The following SUPT3H variants were observed in gnomAD, a reference collection of about 807,000 sequenced individuals.
SUPT3H encodes the protein transcription initiation protein SPT3 homolog.
A neutral mutation model predicts 44.3 loss-of-function variants in SUPT3H; 44 were observed. The ratio of observed to expected loss-of-function variants is 0.99; its 90% CI spans 0.78 to 1.28. SUPT3H has a LOEUF of 1.28. Among genes scored for constraint, SUPT3H ranks in the 50% most tolerant of loss-of-function variants. SUPT3H has a pLI of 0.00. For synonymous variants in SUPT3H, 124 were observed against 125.6 expected (o/e 0.99, Z 0.09); for missense variants, 380 against 387.1 (o/e 0.98, Z 0.15).
At chr6:45,332,644 T>G (rs1787742701) in intron 2 of SUPT3H, among the ~76,000 whole-genome samples, 1 of 151,728 alleles carries the variant, frequency 6.6e-6, no homozygotes, top group Admixed American at 6.6e-5. Context: ...CTAACAAAAA[T>G]CTTTAGACAT....
At chr6:45,039,344 C>G (rs1039221168) in intron 3 of SUPT3H, among the ~76,000 whole-genome samples, 1 of 151,820 alleles carries the variant, frequency 6.6e-6, no homozygotes. Context: ...TGAGGTGGTA[C>G]GTGTGATAGG....
chr6:44,840,360 C>T (rs1026160757), intron 10 of SUPT3H, among the ~76,000 whole-genome samples: 3 of 152,152 alleles, frequency 2.0e-5, no homozygotes, highest in South Asian at 4.1e-4. Flanking sequence ...TCACCACTTT[C>T]GGGACTGCCT....
At chr6:45,314,801 T>C (rs935220162) in intron 2 of SUPT3H, among the ~76,000 whole-genome samples, 17 of 152,176 alleles carry the variant, frequency 1.1e-4, no homozygotes, top group Non-Finnish European at 1.6e-4. Context: ...AAAATTCATA[T>C]GGAACCAAAA....
intron 10 of SUPT3H, among the ~76,000 whole-genome samples, chr6:44,924,673 T>C (rs965637010): frequency 2.6e-5 from 4 of 152,136 alleles, no homozygotes; most frequent in African/African-American, 9.7e-5. Context: ...AAATTAAATG[T>C]TTCATATCTT....
intron 10 of SUPT3H, among the ~76,000 whole-genome samples, chr6:44,904,490 G>C (rs967299137): frequency 4.6e-5 from 7 of 152,044 alleles, no homozygotes; most frequent in Non-Finnish European, 8.8e-5. Flanking sequence ...TCAAGGAGAA[G>C]TACAAACCAC....
chr6:44,886,324 C>G (rs1404205333), intron 10 of SUPT3H, among the ~76,000 whole-genome samples: 1 of 151,864 alleles, frequency 6.6e-6, no homozygotes, highest in Non-Finnish European at 1.5e-5. Flanking sequence ...GTCAGATTCA[C>G]CAAAGTTGAA....
At chr6:45,097,229 G>T (rs900308827) in intron 3 of SUPT3H, among the ~76,000 whole-genome samples, 1 of 152,180 alleles carries the variant, frequency 6.6e-6, no homozygotes, top group African/African-American at 2.4e-5. Flanking sequence ...AGGTGTCCCT[G>T]AACATTCTTT....
intron 6 of SUPT3H, 67 bp downstream of exon 6, chr6:45,003,586 A>C: frequency 6.5e-7 from 1 of 1,535,236 alleles, no homozygotes. Context: ...ACATGAGAAT[A>C]GGACCAAACA....
chr6:44,879,821 C>A (rs1213893443), intron 10 of SUPT3H, among the ~76,000 whole-genome samples: 2 of 152,148 alleles, frequency 1.3e-5, no homozygotes, highest in East Asian at 3.9e-4. Flanking sequence ...CTCCAGCAGA[C>A]CTGCAGCAGA....
chr6:45,339,025 T>C (rs367866460), intron 2 of SUPT3H, among the ~76,000 whole-genome samples: 2 of 151,956 alleles, frequency 1.3e-5, no homozygotes, highest in Admixed American at 6.6e-5. Flanking sequence ...TAAGGTAATA[T>C]AAGAAGAAAA....
intron 10 of SUPT3H, among the ~76,000 whole-genome samples, chr6:44,884,566 A>G (rs1778815762): frequency 6.6e-6 from 1 of 152,224 alleles, no homozygotes; most frequent in Non-Finnish European, 1.5e-5. Context: ...TACTCACAAT[A>G]GCAAAGACTT....
chr6:45,178,051 T>A (rs1170169199), intron 2 of SUPT3H, among the ~76,000 whole-genome samples: 2 of 152,018 alleles, frequency 1.3e-5, no homozygotes, highest in Non-Finnish European at 2.9e-5. Context: ...AATGACAGGA[T>A]CAAATTCACA....
At chr6:45,049,028 A>G (rs1307874348) in intron 3 of SUPT3H, among the ~76,000 whole-genome samples, 1 of 152,150 alleles carries the variant, frequency 6.6e-6, no homozygotes, top group Non-Finnish European at 1.5e-5. Context: ...CTAAGAGTGC[A>G]TATGTCTTCT....
intron 3 of SUPT3H, among the ~76,000 whole-genome samples, chr6:45,049,722 A>C (rs1205119986): frequency 6.6e-6 from 1 of 152,148 alleles, no homozygotes; most frequent in Non-Finnish European, 1.5e-5. Context: ...ACAAACAAGC[A>C]AAAAACCCCT....
At chr6:44,883,859 C>T (rs1312133745) in intron 10 of SUPT3H, among the ~76,000 whole-genome samples, 3 of 152,148 alleles carry the variant, frequency 2.0e-5, no homozygotes, top group East Asian at 1.9e-4. Context: ...ACACCTTATA[C>T]AAAAATTAAC....
rs74923939 is a variant in SUPT3H, at chr6:45,261,487, A to G, written c.101+103714T>C. On this transcript the variant is annotated intron_variant, in intron 2 of 10. Transcript: ENST00000371459. Reference sequence around the variant, plus strand: ...CAAAATCAGAAAAAAAAAACACATGATCATCTCCATAGATGTAGAAAAGGC... The same window carrying G: ...CAAAATCAGAAAAAAAAAACACATGGTCATCTCCATAGATGTAGAAAAGGC... Among the ~76,000 whole-genome samples, 829 of 152,186 alleles carry G rather than the reference A, an allele frequency of 5.4e-3. 12 individuals are homozygous for G. The highest frequency in any genetic ancestry group is 0.019 in the African/African-American group (797 of 41,536).
chr6:45,323,130 C>A lies in SUPT3H; in HGVS notation c.101+42071G>T, dbSNP rs145323601. On this transcript the variant is annotated intron_variant, in intron 2 of 10. Coordinates refer to ENST00000371459, the MANE Select transcript of SUPT3H (RefSeq NM_003599.4). ...ATACTGGAATGCTCAGAGGGGAATC[C>A]TTCATAAGTAACACTAACTTACAAT... 2.1e-3 allele frequency among the ~76,000 whole-genome samples: 325 copies of A among 152,202 alleles called. 1 individual carries two copies. The highest frequency in any genetic ancestry group is 7.5e-3 in the African/African-American group (311 of 41,526).
At chr6:44,834,861 T>G (rs568760960) in intron 10 of SUPT3H, among the ~76,000 whole-genome samples, 1 of 151,826 alleles carries the variant, frequency 6.6e-6, no homozygotes, top group Non-Finnish European at 1.5e-5. Context: ...ACTGGTGGAG[T>G]TGGCGGAGGG....
intron 3 of SUPT3H, among the ~76,000 whole-genome samples, chr6:45,054,209 G>A (rs2153538042): frequency 6.6e-6 from 1 of 151,182 alleles, no homozygotes; most frequent in South Asian, 2.1e-4. Context: ...AGCTGTAGTA[G>A]GAAGGTCTCT....
Sources: gnomAD v4.1 joint callset for allele counts (sites outside exome capture counted in the v4.1 genomes callset) on GRCh38, gnomAD v4.1.1 for gene constraint, MANE v1.5 for transcripts, NCBI Gene and HGNC (gene_info 2026-07-23, HGNC 2026-07-21) for gene names.